Variants in NAALADL2 observed in about 807,000 individuals in gnomAD.
NAALADL2 encodes inactive N-acetylated-alpha-linked acidic dipeptidase-like protein 2.
In NAALADL2, 76 loss-of-function variants were observed where a neutral mutation model predicts 87.2. That is an observed-to-expected ratio of 0.87 (90% confidence interval 0.72 to 1.05). The LOEUF (loss-of-function observed/expected upper bound fraction) is 1.05, where lower values mean the gene tolerates loss of function less well. NAALADL2 is among the 50% of genes least tolerant of loss of function. The pLI is 0.00. For missense variants in NAALADL2, 1,089 were observed against 945.8 expected (o/e 1.15, Z -1.99); for synonymous variants, 354 against 331.0 (o/e 1.07, Z -0.75).
At chr3:174,957,082 AT>A (rs1348962979) in intron 1 of NAALADL2, among the ~76,000 whole-genome samples, 1 of 151,548 alleles carries the variant, frequency 6.6e-6, no homozygotes, top group African/African-American at 2.4e-5. Flanking sequence ...AGGGATGCTT[AT>A]TTTTTTTGTT....
At chr3:174,745,389 C>A (rs1734156365) in intron 3 of NAALADL2, among the ~76,000 whole-genome samples, 1 of 152,030 alleles carries the variant, frequency 6.6e-6, no homozygotes, top group Non-Finnish European at 1.5e-5. Flanking sequence ...CAAGAGTAAA[C>A]CAGGAGGAAG....
At chr3:175,495,092 A>ATATATATTT (rs754412056) in intron 9 of NAALADL2, among the ~76,000 whole-genome samples, 9 of 136,506 alleles carry the variant, frequency 6.6e-5, no homozygotes, top group African/African-American at 2.3e-4. Flanking sequence ...ATATATATAT[A>ATATATATTT]TTTTTTTTTA....
intron 1 of NAALADL2, among the ~76,000 whole-genome samples, chr3:174,987,662 C>T (rs865982914): frequency 3.9e-4 from 57 of 145,254 alleles, no homozygotes; most frequent in Middle Eastern, 7.4e-3. Context: ...GGGTGTCACT[C>T]TGTCACCAGT....
At position 175,626,597 on chromosome 3, in the gene NAALADL2, T is replaced by A. The variant is rs562218657; in HGVS notation, c.1801-694T>A. On this transcript the variant is annotated intron_variant, in intron 10 of 13. Transcript: ENST00000454872. ...GAAATGCCCCCTCTAAGGCATAATT[T>A]TCACCGTAATCTTATTGTATTTCCT... 2.6e-5 allele frequency among the ~76,000 whole-genome samples: 4 copies of A among 152,002 alleles called. No individual in the cohort carries two copies. The East Asian group carries it at 7.7e-4, about 29-fold the overall frequency.
intron 4 of NAALADL2, among the ~76,000 whole-genome samples, chr3:175,300,932 G>A (rs890506648): frequency 1.3e-5 from 2 of 151,880 alleles, no homozygotes; most frequent in African/African-American, 2.4e-5. Flanking sequence ...AGTAGAGATG[G>A]AGTTTCTCCA....
At chr3:174,855,929 T>G (rs1461195112), upstream of NAALADL2, among the ~76,000 whole-genome samples, 1 of 149,774 alleles carries the variant, frequency 6.7e-6, no homozygotes, top group Non-Finnish European at 1.5e-5. Flanking sequence ...CACATAGATA[T>G]GAATATATAT....
intron 2 of NAALADL2, among the ~76,000 whole-genome samples, chr3:175,183,658 C>A (rs1327990334): frequency 6.6e-6 from 1 of 151,914 alleles, no homozygotes; most frequent in Non-Finnish European, 1.5e-5. Context: ...ATTAAACCAC[C>A]CTCGGATCCC....
chr3:175,474,030 T>G (rs369360323), intron 9 of NAALADL2, among the ~76,000 whole-genome samples: 1 of 152,202 alleles, frequency 6.6e-6, no homozygotes, highest in Non-Finnish European at 1.5e-5. Context: ...CAACAGCATA[T>G]AAGCATTCCC....
At chr3:175,290,977 G>T (rs1245534422) in intron 4 of NAALADL2, among the ~76,000 whole-genome samples, 2 of 151,782 alleles carry the variant, frequency 1.3e-5, no homozygotes, top group Non-Finnish European at 2.9e-5. Flanking sequence ...AAATTTCCTT[G>T]GGCAATGGTG....
At chr3:175,179,320 T>C (rs1030844968) in intron 2 of NAALADL2, among the ~76,000 whole-genome samples, 1 of 152,008 alleles carries the variant, frequency 6.6e-6, no homozygotes, top group Middle Eastern at 3.2e-3. Flanking sequence ...AATGAATATC[T>C]AAGTAAATAA....
rs76497307 is a variant in NAALADL2 at position 174,873,395 on chromosome 3, C to G, written c.43+13945C>G. ...TCAGCCTCCTGAGTAGCTGGGACTA[C>G]AGGGGCACATCACTATGCCCAGCTA... On this transcript the variant is annotated intron_variant, in intron 1 of 13. Coordinates refer to ENST00000454872, the MANE Select transcript of NAALADL2 (RefSeq NM_207015.3). Among the ~76,000 whole-genome samples the G allele has an allele frequency of 6.0e-3, 918 of 152,136 alleles. 12 individuals carry two copies. Among genetic ancestry groups the G allele is most frequent in the African/African-American group, 0.021 (878 of 41,492 alleles).
intron 1 of NAALADL2, among the ~76,000 whole-genome samples, chr3:174,970,958 A>G (rs983392144): frequency 1.4e-4 from 21 of 152,192 alleles, no homozygotes; most frequent in African/African-American, 5.1e-4. Context: ...CTGGAAAGAA[A>G]AAGAGGTTTA....
intron 2 of NAALADL2, among the ~76,000 whole-genome samples, chr3:174,615,378 G>A (rs1002602820): frequency 6.6e-6 from 1 of 152,158 alleles, no homozygotes; most frequent in Non-Finnish European, 1.5e-5. Context: ...TGAAATGTTA[G>A]TTGTGTCAGC....
At chr3:175,193,986 G>T (rs1423166069) in intron 2 of NAALADL2, among the ~76,000 whole-genome samples, 1 of 151,814 alleles carries the variant, frequency 6.6e-6, no homozygotes, top group Non-Finnish European at 1.5e-5. Context: ...CCCTTTCTTG[G>T]AGCATAGAAA....
chr3:175,261,653 T>G (rs1751063389), intron 4 of NAALADL2, among the ~76,000 whole-genome samples: 1 of 152,110 alleles, frequency 6.6e-6, no homozygotes. Context: ...TATTAGCTAG[T>G]TTTTTCATTA....
intron 2 of NAALADL2, among the ~76,000 whole-genome samples, chr3:175,190,935 G>T (rs534589395): frequency 2.1e-5 from 3 of 144,146 alleles, no homozygotes; most frequent in Non-Finnish European, 3.0e-5. Flanking sequence ...CCGAGATGGA[G>T]CCACTGCACT....
At chr3:175,357,743 A>T (rs377106962) in intron 5 of NAALADL2, among the ~76,000 whole-genome samples, 8 of 152,338 alleles carry the variant, frequency 5.3e-5, no homozygotes, top group African/African-American at 1.9e-4. Context: ...TAAAAAATTG[A>T]TAACTTTGTG....
intron 1 of NAALADL2, among the ~76,000 whole-genome samples, chr3:174,962,230 A>G (rs1034465544): frequency 3.3e-5 from 5 of 151,788 alleles, no homozygotes; most frequent in Admixed American, 2.6e-4. Flanking sequence ...AGGCTGACTG[A>G]AACATCACAG....
At chr3:175,169,478 G>C (rs1734473680) in intron 2 of NAALADL2, among the ~76,000 whole-genome samples, 2 of 119,500 alleles carry the variant, frequency 1.7e-5, no homozygotes, top group Non-Finnish European at 3.9e-5. Flanking sequence ...TATATAATCT[G>C]TTGACATATA....
Sources: allele counts gnomAD v4.1 joint callset (sites outside exome capture counted in the v4.1 genomes callset), GRCh38; gene constraint gnomAD v4.1.1; transcripts MANE v1.5; gene names NCBI Gene and HGNC (gene_info 2026-07-23, HGNC 2026-07-21).